The following FSIP2 variants were observed in gnomAD, a reference collection of about 807,000 sequenced individuals.
FSIP2 encodes the protein fibrous sheath interacting protein 2, also known as fibrous sheath-interacting protein 2.
FSIP2 carries 367 observed loss-of-function variants against 510.5 expected under a neutral mutation model. The ratio of observed to expected loss-of-function variants is 0.72; its 90% CI spans 0.66 to 0.78. The LOEUF (loss-of-function observed/expected upper bound fraction) is 0.78. Among genes scored for constraint, FSIP2 ranks in the 30% least tolerant of loss-of-function variants. The pLI is 0.00. For missense variants in FSIP2, 7,594 were observed against 7,901.7 expected (o/e 0.96, Z 1.48); for synonymous variants, 2,601 against 2,732.2 (o/e 0.95, Z 1.50).
chr2:185,738,440 G>C (rs1691831029), upstream of FSIP2: 1 of 643,074 alleles, frequency 1.6e-6, no homozygotes. Context: ...GGAAGAAGCT[G>C]TGGGAGCCTG....
At chr2:185,754,092 T>TA (rs1427523522) in intron 8 of FSIP2, among the ~76,000 whole-genome samples, 1 of 151,426 alleles carries the variant, frequency 6.6e-6, no homozygotes, top group Non-Finnish European at 1.5e-5. Flanking sequence ...CCAACCTCCC[T>TA]ATATTTAAAG....
intron 15 of FSIP2, among the ~76,000 whole-genome samples, chr2:185,786,669 T>C (rs1300891545): frequency 6.6e-6 from 1 of 151,834 alleles, no homozygotes; most frequent in Non-Finnish European, 1.5e-5. Context: ...GTTGAGATGC[T>C]TGGATCTGTC....
chr2:185,818,173 C>T (rs550606373), intron 19 of FSIP2, among the ~76,000 whole-genome samples: 7 of 151,626 alleles, frequency 4.6e-5, no homozygotes, highest in Non-Finnish European at 1.0e-4. Flanking sequence ...AAAAATATAA[C>T]AACTGAATTG....
chr2:185,771,638 T>G (rs1692610568), intron 13 of FSIP2, among the ~76,000 whole-genome samples: 1 of 152,162 alleles, frequency 6.6e-6, no homozygotes, highest in Non-Finnish European at 1.5e-5. Context: ...CCTCTGGGCC[T>G]GTGATGGGAG....
chr2:185,828,232 T>C (rs1029440555), intron 21 of FSIP2, 33 bp downstream of exon 21: 2 of 1,187,260 alleles, frequency 1.7e-6, no homozygotes, highest in Non-Finnish European at 2.5e-6. Flanking sequence ...AGTTGATATA[T>C]ATTAGGAGCT....
At chr2:185,809,440 A>C (rs1044838803) in intron 17 of FSIP2, among the ~76,000 whole-genome samples, 1 of 152,110 alleles carries the variant, frequency 6.6e-6, no homozygotes, top group Non-Finnish European at 1.5e-5. Flanking sequence ...GACAGAAGTT[A>C]TAATTGTCAT....
intron 16 of FSIP2, among the ~76,000 whole-genome samples, chr2:185,798,271 A>C (rs62199145): frequency 0.31 from 47,677 of 151,676 alleles, 7,813 homozygotes; most frequent in Middle Eastern, 0.41. Flanking sequence ...TTATTATTCA[A>C]AGTTTAAAAG....
rs1693491661 is a variant in FSIP2 at position 185,803,635 on chromosome 2, T to G, written c.14329T>G (p.Phe4777Val). ...RVQYDISKSR[F>V]QRQASTMYTT... ...TCAATATGATATAAGTAAATCAAGA[T>G]TCCAAAGACAAGCTTCAACAATGTA... is the stretch of plus-strand genomic sequence containing the variant. The change falls in exon 17 of 23, where the codon TTC becomes GTC. Residue 4777 changes from phenylalanine (F) to valine (V), a missense_variant. Coordinates refer to ENST00000424728, the MANE Select transcript of FSIP2 (RefSeq NM_173651.4). 1 of 1,528,786 alleles carries G rather than the reference T, an allele frequency of 6.5e-7. No homozygotes were observed. The highest frequency in any genetic ancestry group is 2.0e-5 in the Admixed American group (1 of 50,054). The allele number at this position is 1,528,786 out of a possible 1,614,324, so 94.7% of individuals were successfully genotyped here.
At chr2:185,762,089 AGTT>A (rs1692363886) in intron 11 of FSIP2, 72 bp downstream of exon 11, 3 of 733,954 alleles carry the variant, frequency 4.1e-6, no homozygotes, top group Admixed American at 2.7e-5. Flanking sequence ...ATATATTTTA[AGTT>A]GTTTTATCTG....
chr2:185,761,147 TA>T (rs1692342338), intron 10 of FSIP2, 44 bp downstream of exon 10: 1 of 769,194 alleles, frequency 1.3e-6, no homozygotes, highest in Non-Finnish European at 2.0e-6. Flanking sequence ...TTTATTAATT[TA>T]TCTACTTAAC....
rs897722306 is a variant in FSIP2 at position 185,796,757 on chromosome 2, C to T, written c.9621C>T (p.Pro3207=). 23 of 1,534,696 alleles carry T rather than the reference C, an allele frequency of 1.5e-5. No individual in the cohort carries two copies. The highest frequency in any genetic ancestry group is 1.8e-5 in the Non-Finnish European group (21 of 1,146,120). ...KEKYRVSSDL[P]TSVRSSVEDT... is the part of the protein sequence containing the mutation. ...AGTACAGGGTTTCATCAGATTTACC[C>T]ACCTCTGTCAGATCCTCTGTAGAAG... is the stretch of plus-strand genomic sequence containing the variant. The change falls in exon 16 of 23, where the codon CCC becomes CCT. Residue 3207 remains proline (P), a synonymous_variant. Transcript: ENST00000424728.
In FSIP2 at chr2:185,799,863, A is replaced by G; in HGVS notation, c.10557A>G (p.Lys3519=). 1 of 1,533,596 alleles carries G rather than the reference A, an allele frequency of 6.5e-7. No individual in the cohort carries two copies. Among genetic ancestry groups the G allele is most frequent in the Non-Finnish European group, 8.7e-7 (1 of 1,145,372 alleles). The allele number at this position is 1,533,596 out of a possible 1,614,324, so 95.0% of individuals were successfully genotyped here. Residue 3519 remains lysine, a synonymous_variant, in exon 17 of 23, where the codon AAA becomes AAG. Coordinates refer to ENST00000424728, the MANE Select transcript of FSIP2 (RefSeq NM_173651.4). ...CTTCGAGCATTTCTGATGGCACCAA[A>G]AAGGGTAGAGAAAAAGAGAAAGCAT... is the stretch of plus-strand genomic sequence containing the variant. ...HLTSSISDGT[K]KGREKEKAWE... is the part of the protein sequence containing the mutation.
rs187256367 is a variant in FSIP2, at chr2:185,752,399, T to G, written c.871-1323T>G. Among the ~76,000 whole-genome samples, 127 of 151,470 alleles carry G rather than the reference T, an allele frequency of 8.4e-4. 3 individuals are homozygous for G. The highest frequency in any genetic ancestry group is 5.8e-3 in the Admixed American group (88 of 15,146). On this transcript the variant is annotated intron_variant, in intron 7 of 22. Transcript: ENST00000424728. ...TTTTGAGAAATTTGATTATTATGAC[T>G]TGGTGAAATTTTTCTTGTTTTCTAC...
chr2:185,809,748 T>C (rs1056217156), intron 17 of FSIP2, among the ~76,000 whole-genome samples: 1 of 151,816 alleles, frequency 6.6e-6, no homozygotes, highest in African/African-American at 2.4e-5. Flanking sequence ...TACACACTTG[T>C]TTTTTTTAAA....
chr2:185,824,770 A>G (rs775758309), intron 20 of FSIP2, among the ~76,000 whole-genome samples: 1 of 151,774 alleles, frequency 6.6e-6, no homozygotes, highest in Non-Finnish European at 1.5e-5. Context: ...GTGTATTGTA[A>G]CAGCAGTTTA....
In FSIP2 at chr2:185,803,845, T is replaced by C; in HGVS notation, c.14539T>C (p.Tyr4847His). The C allele has an allele frequency of 3.3e-6, 5 of 1,508,252 alleles. No individual in the cohort carries two copies. Among genetic ancestry groups the C allele is most frequent in the Non-Finnish European group, 4.4e-6 (5 of 1,130,202 alleles). The allele number at this position is 1,508,252 out of a possible 1,614,324, so 93.4% of individuals were successfully genotyped here. Residue 4847 changes from tyrosine (Y) to histidine (H), a missense_variant, in exon 17 of 23, where the codon TAT becomes CAT. Coordinates refer to ENST00000424728, the MANE Select transcript of FSIP2 (RefSeq NM_173651.4). The part of the protein sequence containing the change: ...ISKHEICIIK[Y>H]GNKKQSMISA... ...AAAACATGAAATATGTATTATTAAATATGGGAATAAAAAACAGAGTATGAT... is the reference window on the plus strand; with the variant it reads ...AAAACATGAAATATGTATTATTAAACATGGGAATAAAAAACAGAGTATGAT...
chr2:185,745,571 A>G lies in FSIP2; in HGVS notation c.617+3A>G. 6.5e-7 allele frequency: 1 copy of G among 1,529,496 alleles called. No individual in the cohort carries two copies. The highest frequency in any genetic ancestry group is 1.2e-5 in the South Asian group (1 of 82,876). The allele number at this position is 1,529,496 out of a possible 1,614,324, so 94.7% of individuals were successfully genotyped here. A position where few individuals can be genotyped will look rare whatever the true frequency, so the allele number is the denominator to read the frequency against. The stretch of plus-strand genomic sequence containing the variant: ...CAGGAGCGGCTGATGAGGCATAGGT[A>G]AGATTAAAGTTGAGGCATATTTTAT... On this transcript the variant is annotated splice_donor_region_variant and intron_variant, in intron 5 of 22. Transcript: ENST00000424728.
rs1233484818 is a variant in FSIP2, at chr2:185,808,485, T to G, written c.19179T>G (p.Ile6393Met). ...TGTCAAAATTGGTAACAGCTGAAAT[T>G]TCCAGAAGTAGCATTAGTCTAATAG... ...SQLSKLVTAEISRSSISLIAS... is the reference protein window; with the variant it reads ...SQLSKLVTAEMSRSSISLIAS... The change falls in exon 17 of 23, where the codon ATT becomes ATG. Residue 6393 changes from isoleucine to methionine, a missense_variant. By Grantham distance (10) the Ile-to-Met change is conservative. Transcript: ENST00000424728. 1 of 1,608,028 alleles carries G rather than the reference T, an allele frequency of 6.2e-7. No individual in the cohort carries two copies. Among genetic ancestry groups the G allele is most frequent in the East Asian group, 2.2e-5 (1 of 44,668 alleles).
intron 19 of FSIP2, among the ~76,000 whole-genome samples, chr2:185,817,401 C>T (rs1356513399): frequency 2.0e-5 from 3 of 151,988 alleles, no homozygotes; most frequent in Non-Finnish European, 2.9e-5. Flanking sequence ...AGAGATACAA[C>T]AGCAGAATAT....
Sources: allele counts gnomAD v4.1 joint callset (sites outside exome capture counted in the v4.1 genomes callset), GRCh38; gene constraint gnomAD v4.1.1; transcripts MANE v1.5; gene names NCBI Gene and HGNC (gene_info 2026-07-23, HGNC 2026-07-21).